The following BMF variants were observed in gnomAD, a reference collection of about 807,000 sequenced individuals.
BMF encodes the protein bcl-2-modifying factor.
BMF carries 10 observed loss-of-function variants against 22.0 expected under a neutral mutation model. That is an observed-to-expected ratio of 0.45 (90% CI 0.28 to 0.77). The LOEUF (loss-of-function observed/expected upper bound fraction) is 0.77, where lower values mean the gene tolerates loss of function less well. Among genes scored for constraint, BMF ranks in the 30% least tolerant of loss-of-function variants. The pLI is 0.13. For synonymous variants in BMF, 87 were observed against 88.1 expected (o/e 0.99, Z 0.07); for missense variants, 206 against 226.8 (o/e 0.91, Z 0.59).
Position 40,094,402 on chromosome 15 carries a change from A to T in BMF, c.454-2514T>A, listed in dbSNP as rs933463898. On this transcript the variant is annotated intron_variant, in intron 4 of 4. Coordinates refer to ENST00000354670, the MANE Select transcript of BMF (RefSeq NM_001003940.2). ...ATACATGGGCCGGCCCTTGGGAAGG[A>T]ACTAGTTTCCATGCCTCTGCGTGTG... is the stretch of plus-strand genomic sequence containing the variant. Among the ~76,000 whole-genome samples, 122 of 152,216 alleles carry T rather than the reference A, an allele frequency of 8.0e-4. 1 individual carries two copies. Among genetic ancestry groups the T allele is most frequent in the African/African-American group, 2.6e-3 (109 of 41,520 alleles).
intron 4 of BMF, among the ~76,000 whole-genome samples, chr15:40,100,204 G>T (rs942420891): frequency 6.6e-6 from 1 of 152,354 alleles, no homozygotes; most frequent in Non-Finnish European, 1.5e-5. Flanking sequence ...AAGGGGAGGG[G>T]ATACCACTTC....
chr15:40,101,611 T>TA (rs1216392486), intron 4 of BMF, among the ~76,000 whole-genome samples: 1 of 152,206 alleles, frequency 6.6e-6, no homozygotes, highest in Non-Finnish European at 1.5e-5. Context: ...TATGAAATCT[T>TA]AGACTGTAGT....
chr15:40,106,253 G>A lies in BMF; in HGVS notation c.-5-162C>T, dbSNP rs977742956. On this transcript the variant is annotated intron_variant, in intron 2 of 4. Coordinates refer to ENST00000354670, the MANE Select transcript of BMF (RefSeq NM_001003940.2). This position sits in a 1 kb window ranked among gnomAD's most constrained non-coding sequence, Gnocchi z 4.1. Reference sequence around the variant, plus strand: ...CTGGTAATAAAGCACTGCTAAGGGTGACATTCACTCCCCAAATGTGGACTG... The same window carrying A: ...CTGGTAATAAAGCACTGCTAAGGGTAACATTCACTCCCCAAATGTGGACTG... The A allele has an allele frequency of 3.9e-6, 3 of 777,076 alleles. No individual in the cohort carries two copies. Among genetic ancestry groups the A allele is most frequent in the Non-Finnish European group, 5.8e-6 (3 of 515,282 alleles). The allele number at this position is 777,076 out of a possible 1,614,324, so 48.1% of individuals were successfully genotyped here.
At chr15:40,092,438 C>T (rs1401074068) in intron 4 of BMF, among the ~76,000 whole-genome samples, 2 of 148,328 alleles carry the variant, frequency 1.3e-5, no homozygotes, top group African/African-American at 2.5e-5. Flanking sequence ...AGTGCAAACA[C>T]GCACACACAC....
chr15:40,099,098 AC>A (rs938767647), intron 4 of BMF, among the ~76,000 whole-genome samples: 2 of 151,978 alleles, frequency 1.3e-5, no homozygotes, highest in African/African-American at 2.4e-5. Flanking sequence ...CTTCCTAGGG[AC>A]CCATCTCACT....
intron 4 of BMF, among the ~76,000 whole-genome samples, chr15:40,099,563 G>A (rs1395771897): frequency 6.6e-6 from 1 of 152,082 alleles, no homozygotes; most frequent in East Asian, 1.9e-4. Context: ...CGGATCGCCT[G>A]AGGTCGCGAG....
At chr15:40,097,952 G>C (rs957637546) in intron 4 of BMF, among the ~76,000 whole-genome samples, 4 of 152,222 alleles carry the variant, frequency 2.6e-5, no homozygotes, top group African/African-American at 7.2e-5. Flanking sequence ...GCCAGGGTAA[G>C]CCAAGGATTC....
chr15:40,105,423 T>G (rs1595486592), intron 3 of BMF, among the ~76,000 whole-genome samples: 2 of 152,156 alleles, frequency 1.3e-5, no homozygotes, highest in East Asian at 3.9e-4. Context: ...CAGAACCGGC[T>G]GGGTTTTTCC....
rs71658279 is a variant in BMF at position 40,106,517 on chromosome 15, A to AACACACACACAC, written c.-5-438_-5-427dup. On this transcript the variant is annotated intron_variant, in intron 2 of 4. Transcript: ENST00000354670. This position sits in a 1 kb window ranked among gnomAD's most constrained non-coding sequence, Gnocchi z 4.1. ...GACTGGCTATACATACAGTGCTCAC[A>AACACACACACAC]ACACACACACACACACACACACACA... The AACACACACACAC allele has an allele frequency of 0.057, 7,807 of 135,890 alleles. 322 individuals are homozygous for AACACACACACAC. The highest frequency in any genetic ancestry group is 0.086 in the Middle Eastern group (23 of 266). The allele number at this position is 135,890 out of a possible 1,614,324, so 8.4% of individuals were successfully genotyped here.
chr15:40,092,820 G>A (rs1443859600), intron 4 of BMF, among the ~76,000 whole-genome samples: 6 of 151,942 alleles, frequency 3.9e-5, no homozygotes, highest in East Asian at 1.9e-4. Context: ...TGGAAGAGGC[G>A]GTCTTTGTTC....
chr15:40,104,133 CAA>C, intron 4 of BMF, 45 bp downstream of exon 4: 1 of 1,607,722 alleles, frequency 6.2e-7, no homozygotes, highest in Non-Finnish European at 8.5e-7. Flanking sequence ...CCCTGGCCCC[CAA>C]GCCCCAGCAG....
In BMF at chr15:40,089,802, T is replaced by A. The variant is rs1337104962; in HGVS notation, c.*1985A>T. 6.6e-6 allele frequency: 1 copy of A among 152,262 alleles called. No individual in the cohort carries two copies. Among genetic ancestry groups the A allele is most frequent in the East Asian group, 1.9e-4 (1 of 5,184 alleles). The allele number at this position is 152,262 out of a possible 1,614,324, so 9.4% of individuals were successfully genotyped here. On this transcript the variant is annotated 3_prime_UTR_variant, in exon 5 of 5. Coordinates refer to ENST00000354670, the MANE Select transcript of BMF (RefSeq NM_001003940.2). The stretch of plus-strand genomic sequence containing the variant: ...GAGAACAACGTATGTCCCATACACA[T>A]CATAAAATGGTATGGAGACCCACAG...
chr15:40,106,294 G>C lies in BMF; in HGVS notation c.-5-203C>G. 1 of 568,264 alleles carries C rather than the reference G, an allele frequency of 1.8e-6. No individual in the cohort carries two copies. The highest frequency in any genetic ancestry group is 2.9e-6 in the Non-Finnish European group (1 of 343,788). 35.2% of individuals were successfully genotyped at this position (568,264 alleles called of 1,614,324 possible). ...ATGTGGACTGCCTGAATGTTCAGGG[G>C]CTCTCCACACCTCTTCCCTGGGCCC... is the stretch of plus-strand genomic sequence containing the variant. On this transcript the variant is annotated intron_variant, in intron 2 of 4. Transcript: ENST00000354670. The surrounding 1 kb of genome is among the most constrained non-coding windows in gnomAD (Gnocchi z 4.1).
intron 3 of BMF, 114 bp from the exon 4 acceptor site, chr15:40,104,454 G>A: frequency 7.3e-7 from 1 of 1,366,556 alleles, no homozygotes; most frequent in East Asian, 2.4e-5. Context: ...TATGAGAAAG[G>A]ATAGGAGCCA....
intron 4 of BMF, among the ~76,000 whole-genome samples, chr15:40,100,451 G>A (rs747565346): frequency 6.6e-6 from 1 of 152,228 alleles, no homozygotes; most frequent in Non-Finnish European, 1.5e-5. Flanking sequence ...GAGCAAACAG[G>A]GGAACCTTCA....
At position 40,089,082 on chromosome 15, in the gene BMF, C is replaced by T. The variant is rs1345191799; in HGVS notation, c.*2705G>A. 1 of 152,670 alleles carries T rather than the reference C, an allele frequency of 6.6e-6. No individual in the cohort carries two copies. Among genetic ancestry groups the T allele is most frequent in the Non-Finnish European group, 1.5e-5 (1 of 68,072 alleles). 9.5% of individuals were successfully genotyped at this position (152,670 alleles called of 1,614,324 possible). On this transcript the variant is annotated 3_prime_UTR_variant, in exon 5 of 5. Transcript: ENST00000354670. ...CACCCTCAGCAAGCCACAAAGCCTC[C>T]ACCGTCTTCAGCTGGTTACAGGTCA...
chr15:40,091,718 G>T lies in BMF; in HGVS notation c.*69C>A. ...AACAATTTCACAAGACACAGTGTCA[G>T]TCCTGCCCGATGTCCTTCCTGTTCC... On this transcript the variant is annotated 3_prime_UTR_variant, in exon 5 of 5. Coordinates refer to ENST00000354670, the MANE Select transcript of BMF (RefSeq NM_001003940.2). The T allele has an allele frequency of 8.7e-7, 1 of 1,155,626 alleles. No homozygotes were observed. The highest frequency in any genetic ancestry group is 1.3e-6 in the Non-Finnish European group (1 of 796,130). 71.6% of individuals were successfully genotyped at this position (1,155,626 alleles called of 1,614,324 possible).
At chr15:40,096,698 T>C (rs1455420745) in intron 4 of BMF, among the ~76,000 whole-genome samples, 3 of 152,226 alleles carry the variant, frequency 2.0e-5, no homozygotes, top group Admixed American at 6.5e-5. Context: ...AGTGTGTTTA[T>C]TGACATTATG....
chr15:40,102,996 C>G (rs1739472378), intron 4 of BMF, among the ~76,000 whole-genome samples: 1 of 152,202 alleles, frequency 6.6e-6, no homozygotes, highest in Non-Finnish European at 1.5e-5. Context: ...GTCCTTAGAA[C>G]TCCTTGGCAG....
Sources: gnomAD v4.1 joint callset for allele counts (sites outside exome capture counted in the v4.1 genomes callset) on GRCh38, gnomAD v4.1.1 for gene constraint, Gnocchi (gnomAD v3.1) non-coding constraint, MANE v1.5 for transcripts, NCBI Gene and HGNC (gene_info 2026-07-23, HGNC 2026-07-21) for gene names.